The following PRR5L variants were observed in gnomAD, a reference collection of about 807,000 sequenced individuals.
PRR5L encodes proline rich 5 like, also known as proline-rich protein 5-like.
Under a neutral mutation model 36.4 loss-of-function variants are expected in PRR5L, and 21 were observed. That is an observed-to-expected ratio of 0.58 (90% CI 0.41 to 0.83). The LOEUF is 0.83. Ranked by LOEUF, PRR5L falls within the 40% of genes least tolerant of loss-of-function variation. PRR5L has a pLI of 0.00. For missense variants in PRR5L, 381 were observed against 473.3 expected, an observed-to-expected ratio of 0.80 and a Z score of 1.81; for synonymous variants, 188 against 197.0, an observed-to-expected ratio of 0.95 and a Z score of 0.38.
chr11:36,315,227 G>A (rs1856543930), intron 1 of PRR5L, among the ~76,000 whole-genome samples: 1 of 152,180 alleles, frequency 6.6e-6, no homozygotes. Flanking sequence ...TCGGGGAGAT[G>A]AAATGAGATA....
intron 1 of PRR5L, among the ~76,000 whole-genome samples, chr11:36,332,729 G>A (rs186308919): frequency 1.2e-4 from 19 of 152,146 alleles, no homozygotes; most frequent in South Asian, 4.2e-4. Context: ...GTGAGAGCTC[G>A]TTGTTTAAAG....
intron 1 of PRR5L, among the ~76,000 whole-genome samples, chr11:36,310,995 CA>C (rs59947428): frequency 5.4e-3 from 473 of 88,388 alleles, no homozygotes; most frequent in African/African-American, 0.021. Flanking sequence ...ACTCCGTCTC[CA>C]AAAAAAAAAA....
At chr11:36,350,987 T>TATTTATATATTTATATATATTTATATAG (rs1856930920) in intron 1 of PRR5L, among the ~76,000 whole-genome samples, 1 of 85,016 alleles carries the variant, frequency 1.2e-5, no homozygotes, top group Non-Finnish European at 2.2e-5. Context: ...TATTTATATA[T>TATTTATATATTTATATATATTTATATAG]TTATATATTT....
At chr11:36,332,549 A>G (rs1234494836) in intron 1 of PRR5L, among the ~76,000 whole-genome samples, 2 of 152,142 alleles carry the variant, frequency 1.3e-5, no homozygotes, top group Non-Finnish European at 2.9e-5. Context: ...TCACCAATCC[A>G]TCTGCTATGG....
intron 5 of PRR5L, 48 bp from the exon 6 acceptor site, chr11:36,437,337 G>A (rs538697076): frequency 1.5e-5 from 18 of 1,229,896 alleles, no homozygotes; most frequent in Middle Eastern, 1.9e-4. Flanking sequence ...AAGTAATGAC[G>A]AATTCTTTTC....
At chr11:36,406,800 T>C (rs1421448253) in intron 3 of PRR5L, among the ~76,000 whole-genome samples, 4 of 152,184 alleles carry the variant, frequency 2.6e-5, no homozygotes, top group Non-Finnish European at 5.9e-5. Flanking sequence ...CATTTTTCAG[T>C]TGTGACAGTC....
chr11:36,441,363 C>G (rs11033620), intron 6 of PRR5L, among the ~76,000 whole-genome samples: 1,769 of 152,328 alleles, frequency 0.012, 37 homozygotes, highest in African/African-American at 0.041. Flanking sequence ...AAAGGGACAG[C>G]AGGCCCCACT....
rs560680200 is a variant in PRR5L at position 36,312,486 on chromosome 11, G to C, written c.-126+16048G>C. Among the ~76,000 whole-genome samples the C allele has an allele frequency of 1.4e-4, 21 of 152,318 alleles. No homozygotes were observed. In the South Asian group the frequency reaches 4.3e-3, roughly 32 times the overall value. ...AGGTGCTTGGAAGTATGCCTGCTAA[G>C]GGCTGAGCCAGCCAGAGTGTTGTAT... On this transcript the variant is annotated intron_variant, in intron 1 of 8. Transcript: ENST00000530639.
At chr11:36,368,258 G>C (rs1857164192) in intron 1 of PRR5L, among the ~76,000 whole-genome samples, 1 of 152,296 alleles carries the variant, frequency 6.6e-6, no homozygotes, top group African/African-American at 2.4e-5. Flanking sequence ...AGATAACCCA[G>C]GAATCTGTAA....
At chr11:36,325,647 G>A (rs1197386080) in intron 1 of PRR5L, among the ~76,000 whole-genome samples, 1 of 152,216 alleles carries the variant, frequency 6.6e-6, no homozygotes, top group South Asian at 2.1e-4. Flanking sequence ...CTGATTGGTC[G>A]GGTGTGAGCT....
intron 5 of PRR5L, among the ~76,000 whole-genome samples, chr11:36,435,054 T>C (rs1858576403): frequency 6.6e-6 from 1 of 152,098 alleles, no homozygotes; most frequent in African/African-American, 2.4e-5. Context: ...GTCTTGGTTG[T>C]AGAAGGCTTA....
chr11:36,412,228 C>G (rs1223409726), intron 3 of PRR5L, among the ~76,000 whole-genome samples: 2 of 152,062 alleles, frequency 1.3e-5, no homozygotes, highest in African/African-American at 4.8e-5. Flanking sequence ...TTGCTTGGGT[C>G]AGTTTCCTTG....
At chr11:36,310,122 C>T (rs779827354) in intron 1 of PRR5L, among the ~76,000 whole-genome samples, 1 of 152,114 alleles carries the variant, frequency 6.6e-6, no homozygotes. Context: ...ATATGTGCTA[C>T]AAATGGTACC....
chr11:36,367,615 G>A (rs1857156829), intron 1 of PRR5L, among the ~76,000 whole-genome samples: 1 of 152,114 alleles, frequency 6.6e-6, no homozygotes. Context: ...TGACTGTTCT[G>A]GTCAAGATAT....
At chr11:36,345,043 A>C (rs1214804815) in intron 1 of PRR5L, among the ~76,000 whole-genome samples, 1 of 152,158 alleles carries the variant, frequency 6.6e-6, no homozygotes, top group Non-Finnish European at 1.5e-5. Context: ...CTAGAGAGAA[A>C]AGGGTCTTTC....
chr11:36,411,527 T>A (rs1003294524), intron 3 of PRR5L, among the ~76,000 whole-genome samples: 1 of 152,160 alleles, frequency 6.6e-6, no homozygotes, highest in African/African-American at 2.4e-5. Flanking sequence ...CTCATTTTGG[T>A]CAGGCCCCGT....
chr11:36,359,181 G>T (rs1181322017), intron 1 of PRR5L, among the ~76,000 whole-genome samples: 2 of 152,198 alleles, frequency 1.3e-5, no homozygotes, highest in African/African-American at 2.4e-5. Context: ...GTAAGTGGCA[G>T]ATTTGAACTA....
intron 1 of PRR5L, among the ~76,000 whole-genome samples, chr11:36,336,245 T>A (rs986564896): frequency 4.6e-5 from 7 of 152,240 alleles, no homozygotes; most frequent in African/African-American, 1.7e-4. Context: ...TTGTTTTTTT[T>A]AATTTGAGAT....
intron 1 of PRR5L, among the ~76,000 whole-genome samples, chr11:36,385,532 T>G (rs1313822907): frequency 1.3e-5 from 2 of 152,240 alleles, no homozygotes; most frequent in Non-Finnish European, 2.9e-5. Context: ...AGATAAACAC[T>G]TGAGCGTGTA....
Sources: allele counts gnomAD v4.1 joint callset (sites outside exome capture counted in the v4.1 genomes callset), GRCh38; gene constraint gnomAD v4.1.1; transcripts MANE v1.5; gene names NCBI Gene and HGNC (gene_info 2026-07-23, HGNC 2026-07-21).